The following SEC24D variants were observed in gnomAD, a reference collection of about 807,000 sequenced individuals.
SEC24D encodes protein transport protein Sec24D.
In SEC24D, 69 loss-of-function variants were observed where a neutral mutation model predicts 116.9. The observed-to-expected ratio is 0.59, with a 90% CI of 0.49 to 0.72. The LOEUF (loss-of-function observed/expected upper bound fraction) is 0.72, where lower values mean the gene tolerates loss of function less well. SEC24D is among the 30% of genes least tolerant of loss of function. SEC24D has a pLI of 0.00. For missense variants in SEC24D, 1,131 were observed against 1,264.1 expected (o/e 0.89, Z 1.60); for synonymous variants, 405 against 442.8 (o/e 0.91, Z 1.07).
intron 2 of SEC24D, among the ~76,000 whole-genome samples, chr4:118,825,812 C>T (rs1730570687): frequency 6.6e-6 from 1 of 152,150 alleles, no homozygotes; most frequent in Non-Finnish European, 1.5e-5. Flanking sequence ...ACCTAGCTGC[C>T]TGCTGTGCAC....
chr4:118,771,961 AAAC>A (rs560151692), intron 8 of SEC24D, among the ~76,000 whole-genome samples: 2 of 152,210 alleles, frequency 1.3e-5, no homozygotes, highest in Non-Finnish European at 2.9e-5. Context: ...AGAACATCAT[AAAC>A]AAGAGCTCTT....
At chr4:118,734,473 A>G (rs1447147054) in intron 19 of SEC24D, among the ~76,000 whole-genome samples, 2 of 152,054 alleles carry the variant, frequency 1.3e-5, no homozygotes, top group African/African-American at 2.4e-5. Context: ...TCAGCCTCCC[A>G]AACTGCTGGG....
At position 118,805,514 on chromosome 4, in the gene SEC24D, C is replaced by T. The variant is rs113906969; in HGVS notation, c.913+329G>A. Among the ~76,000 whole-genome samples, 363 of 152,298 alleles carry T rather than the reference C, an allele frequency of 2.4e-3. 4 individuals are homozygous for T. Among genetic ancestry groups the T allele is most frequent in the African/African-American group, 8.4e-3 (350 of 41,570 alleles). On this transcript the variant is annotated intron_variant, in intron 7 of 22. Coordinates refer to ENST00000280551, the MANE Select transcript of SEC24D (RefSeq NM_014822.4). ...TCTCAAACAGTCTAATTCCTTACTG[C>T]TCTGCTCGTGCCAGCTTTCCAACAT...
In SEC24D at chr4:118,744,055, T is replaced by C; in HGVS notation, c.1928A>G (p.Asp643Gly). ...AGGAACCAGCCCCAGCGAGGCCACG[T>C]CCACATACTGACTAGGAAAGAGGAA... ...TLFLFPSQYV[D>G]VASLGLVPQL... The change falls in exon 15 of 23, where the codon GAC becomes GGC. Residue 643 changes from aspartate (D) to glycine (G), a missense_variant. By Grantham distance (94) the Asp-to-Gly change is moderately conservative. Transcript: ENST00000280551. 6.2e-7 allele frequency: 1 copy of C among 1,613,572 alleles called. No individual in the cohort carries two copies. Among genetic ancestry groups the C allele is most frequent in the Non-Finnish European group, 8.5e-7 (1 of 1,179,716 alleles).
At chr4:118,783,606 T>C (rs895959390) in intron 8 of SEC24D, among the ~76,000 whole-genome samples, 22 of 152,244 alleles carry the variant, frequency 1.4e-4, no homozygotes, top group Non-Finnish European at 5.9e-5. Context: ...AAAATGGTCA[T>C]AGTTTATAAA....
rs151309585 is a variant in SEC24D at position 118,740,758 on chromosome 4, C to T, written c.2143G>A (p.Asp715Asn). 1.4e-5 allele frequency: 22 copies of T among 1,613,902 alleles called. No individual in the cohort carries two copies. The highest frequency in any genetic ancestry group is 1.1e-4 in the East Asian group (5 of 44,870). Residue 715 changes from aspartate (D) to asparagine (N), a missense_variant, in exon 17 of 23, where the codon GAT becomes AAT. Coordinates refer to ENST00000280551, the MANE Select transcript of SEC24D (RefSeq NM_014822.4). ...FGGILMNNTT[D>N]VEMAAIDCDK... ...CAATCGATGGCAGCCATTTCTACAT[C>T]GGTGGTGTTGTTCATCAAGATTCCA...
intron 19 of SEC24D, chr4:118,736,504 T>C (rs578117386): frequency 3.4e-4 from 89 of 265,186 alleles, no homozygotes; most frequent in Non-Finnish European, 6.2e-4. Context: ...TTGGGCTCTA[T>C]GGTAAAATAG....
intron 8 of SEC24D, among the ~76,000 whole-genome samples, chr4:118,784,367 G>A (rs2110490324): frequency 6.6e-6 from 1 of 152,188 alleles, no homozygotes; most frequent in South Asian, 2.1e-4. Context: ...TTTTCTGTAA[G>A]AAAGAAGAAA....
rs1056305142 is a variant in SEC24D, at chr4:118,752,092, A to G, written c.1614-3T>C. ...TGTCTGGAATCTGGTCCAACAAACT[A>G]TAAGACATGAGTAAGCAAAAGGTTT... On this transcript the variant is annotated splice_region_variant and splice_polypyrimidine_tract_variant and intron_variant, in intron 12 of 22. Transcript: ENST00000280551. 9.5e-6 allele frequency: 15 copies of G among 1,580,116 alleles called. No individual in the cohort carries two copies. Among genetic ancestry groups the G allele is most frequent in the African/African-American group, 6.8e-5 (5 of 74,038 alleles).
chr4:118,833,601 C>A lies in SEC24D; in HGVS notation c.96G>T (p.Pro32=). ...SPPHYGHYGD[P]SHTASPTGMM... Reference sequence around the variant, plus strand: ...TACCTGTTGGAGATGCTGTGTGCGACGGATCCCCATAGTGCCCATAATGAG... The same window carrying A: ...TACCTGTTGGAGATGCTGTGTGCGAAGGATCCCCATAGTGCCCATAATGAG... The change falls in exon 2 of 23, where the codon CCG becomes CCT. Residue 32 remains proline, a synonymous_variant. Coordinates refer to ENST00000280551, the MANE Select transcript of SEC24D (RefSeq NM_014822.4). The A allele has an allele frequency of 6.2e-7, 1 of 1,613,174 alleles. No individual in the cohort carries two copies. The highest frequency in any genetic ancestry group is 8.5e-7 in the Non-Finnish European group (1 of 1,179,242).
intron 10 of SEC24D, among the ~76,000 whole-genome samples, chr4:118,760,887 A>T (rs1451462936): frequency 1.8e-4 from 26 of 145,214 alleles, no homozygotes; most frequent in African/African-American, 4.0e-4. Context: ...TTTTTTTTTT[A>T]TTTTTATTTT....
At chr4:118,807,931 CACA>C (rs535345232) in intron 6 of SEC24D, among the ~76,000 whole-genome samples, 8 of 152,200 alleles carry the variant, frequency 5.3e-5, no homozygotes, top group Non-Finnish European at 4.4e-5. Flanking sequence ...GTATTTTGAC[CACA>C]AGGTTAATCG....
chr4:118,757,802 T>G lies in SEC24D; in HGVS notation c.1340A>C (p.Asp447Ala). The G allele has an allele frequency of 6.2e-7, 1 of 1,612,076 alleles. No individual in the cohort carries two copies. Among genetic ancestry groups the G allele is most frequent in the Non-Finnish European group, 8.5e-7 (1 of 1,178,874 alleles). The change falls in exon 11 of 23, where the codon GAT becomes GCT. Residue 447 changes from aspartate (D) to alanine (A), a missense_variant. Coordinates refer to ENST00000280551, the MANE Select transcript of SEC24D (RefSeq NM_014822.4). ...ATTCTTTATGTTACTATATGAAACA[T>G]CAATCATGAAGATAAAGGCTGGTGG... is the stretch of plus-strand genomic sequence containing the variant. ...PNPPAFIFMI[D>A]VSYSNIKNGL... is the part of the protein sequence containing the mutation.
At chr4:118,816,561 T>G (rs1327936869) in intron 4 of SEC24D, among the ~76,000 whole-genome samples, 1 of 152,244 alleles carries the variant, frequency 6.6e-6, no homozygotes, top group African/African-American at 2.4e-5. Flanking sequence ...TTTTCCTTTC[T>G]CTGATTATGG....
intron 8 of SEC24D, among the ~76,000 whole-genome samples, chr4:118,781,446 C>T (rs1308678104): frequency 6.6e-6 from 1 of 152,166 alleles, no homozygotes; most frequent in Non-Finnish European, 1.5e-5. Flanking sequence ...AGAGTTTTTG[C>T]CTAGAGGTCC....
chr4:118,771,729 C>T (rs1202899800), intron 8 of SEC24D, among the ~76,000 whole-genome samples: 1 of 152,140 alleles, frequency 6.6e-6, no homozygotes, highest in Non-Finnish European at 1.5e-5. Context: ...GATGTATCCA[C>T]CAATGCCTTC....
At chr4:118,766,613 C>T (rs1201397589) in intron 9 of SEC24D, 2 of 152,082 alleles carry the variant, frequency 1.3e-5, no homozygotes, top group Admixed American at 6.6e-5. Context: ...CTTTTAAGGC[C>T]CTGAGCCGAC....
intron 13 of SEC24D, among the ~76,000 whole-genome samples, chr4:118,750,188 G>A (rs931571534): frequency 2.0e-5 from 3 of 151,828 alleles, no homozygotes; most frequent in African/African-American, 2.4e-5. Flanking sequence ...TGCTGCAGTC[G>A]TTGTACTGCG....
chr4:118,800,391 G>A (rs940573711), intron 7 of SEC24D, among the ~76,000 whole-genome samples: 6 of 152,046 alleles, frequency 3.9e-5, no homozygotes, highest in Admixed American at 2.0e-4. Flanking sequence ...TGAAATGAAC[G>A]GGAGGTTGGA....
Sources: allele counts gnomAD v4.1 joint callset (sites outside exome capture counted in the v4.1 genomes callset), GRCh38; gene constraint gnomAD v4.1.1; transcripts MANE v1.5; gene names NCBI Gene and HGNC (gene_info 2026-07-23, HGNC 2026-07-21).